Variants in SCFD2 observed in about 807,000 individuals in gnomAD.
SCFD2 encodes sec1 family domain-containing protein 2.
A neutral mutation model predicts 58.9 loss-of-function variants in SCFD2; 54 were observed. The observed-to-expected ratio is 0.92, with a 90% CI of 0.74 to 1.15. The LOEUF (loss-of-function observed/expected upper bound fraction) is 1.15. SCFD2 is among the 50% of genes most tolerant of loss of function. The pLI is 0.00. For missense variants in SCFD2, 805 were observed against 836.6 expected, an observed-to-expected ratio of 0.96 and a Z score of 0.47; for synonymous variants, 321 against 335.9, an observed-to-expected ratio of 0.96 and a Z score of 0.49.
At chr4:52,896,370 T>C (rs1399282496) in intron 7 of SCFD2, among the ~76,000 whole-genome samples, 2 of 152,216 alleles carry the variant, frequency 1.3e-5, no homozygotes, top group Admixed American at 6.5e-5. Context: ...AGTTTCAGCT[T>C]TCTACATATG....
chr4:53,246,757 C>G (rs1730088833), intron 4 of SCFD2, among the ~76,000 whole-genome samples: 1 of 151,964 alleles, frequency 6.6e-6, no homozygotes. Context: ...GGAAGATAAC[C>G]TAGGTAACAT....
At chr4:53,340,964 A>G (rs1733851163) in intron 2 of SCFD2, among the ~76,000 whole-genome samples, 1 of 152,184 alleles carries the variant, frequency 6.6e-6, no homozygotes, top group Admixed American at 6.5e-5. Flanking sequence ...ATTGTACATC[A>G]CCATCATCAA....
intron 5 of SCFD2, among the ~76,000 whole-genome samples, chr4:52,933,788 G>C (rs2109502063): frequency 6.6e-6 from 1 of 152,306 alleles, no homozygotes; most frequent in East Asian, 1.9e-4. Flanking sequence ...TCCCCCAAAA[G>C]TTCATGTGTT....
chr4:53,017,768 C>T (rs1192886104), intron 5 of SCFD2, among the ~76,000 whole-genome samples: 1 of 152,170 alleles, frequency 6.6e-6, no homozygotes, highest in Non-Finnish European at 1.5e-5. Context: ...ACCTCTCCTT[C>T]TCCTCCCACT....
chr4:52,896,210 T>C (rs1032793397), intron 7 of SCFD2, among the ~76,000 whole-genome samples: 35 of 152,218 alleles, frequency 2.3e-4, no homozygotes, highest in African/African-American at 8.4e-4. Context: ...CCATTGCTTT[T>C]GGTGTTTTAG....
chr4:53,167,503 A>G (rs931940009), intron 4 of SCFD2, among the ~76,000 whole-genome samples: 11 of 152,236 alleles, frequency 7.2e-5, no homozygotes, highest in African/African-American at 2.2e-4. Context: ...GATAATAACC[A>G]AAGTACAAAT....
intron 7 of SCFD2, among the ~76,000 whole-genome samples, chr4:52,897,831 C>G (rs7654882): frequency 0.013 from 1,912 of 152,202 alleles, 46 homozygotes; most frequent in African/African-American, 0.044. Flanking sequence ...CTCAATTTCA[C>G]AGCCTGTTAT....
At chr4:53,299,344 A>G (rs1732179418) in intron 3 of SCFD2, among the ~76,000 whole-genome samples, 1 of 152,272 alleles carries the variant, frequency 6.6e-6, no homozygotes, top group South Asian at 2.1e-4. Context: ...AAAGGGTATC[A>G]GTGATGGAAG....
At chr4:52,921,246 T>C (rs1030068454) in intron 5 of SCFD2, among the ~76,000 whole-genome samples, 1 of 152,176 alleles carries the variant, frequency 6.6e-6, no homozygotes, top group Non-Finnish European at 1.5e-5. Flanking sequence ...GAGACTGTTA[T>C]GATCAAACTC....
chr4:53,112,131 G>T lies in SCFD2; in HGVS notation c.1561+33202C>A, dbSNP rs927634270. On this transcript the variant is annotated intron_variant, in intron 5 of 8. Coordinates refer to ENST00000401642, the MANE Select transcript of SCFD2 (RefSeq NM_152540.4). ...GGAATGGAAGAGAGTTTTACAGAAG[G>T]ACTTTGTAGTCCACATATTGAATCA... 3.3e-5 allele frequency among the ~76,000 whole-genome samples: 5 copies of T among 152,170 alleles called. 1 individual carries two copies. Among genetic ancestry groups the T allele is most frequent in the East Asian group, 3.9e-4 (2 of 5,176 alleles).
Position 52,999,117 on chromosome 4 carries a change from G to A in SCFD2, c.1562-78247C>T, listed in dbSNP as rs144868126. Among the ~76,000 whole-genome samples the A allele has an allele frequency of 4.6e-5, 7 of 152,304 alleles. No homozygotes were observed. In the East Asian group the frequency reaches 9.6e-4, roughly 21 times the overall value. On this transcript the variant is annotated intron_variant, in intron 5 of 8. Coordinates refer to ENST00000401642, the MANE Select transcript of SCFD2 (RefSeq NM_152540.4). ...ATTATTACTTTCAAGAACATAAGATGAGCCTTCAAGAGTGTTGGCGAGTAA... is the reference window on the plus strand; with the variant it reads ...ATTATTACTTTCAAGAACATAAGATAAGCCTTCAAGAGTGTTGGCGAGTAA...
At chr4:53,287,819 TATAA>T (rs1174052237) in intron 3 of SCFD2, among the ~76,000 whole-genome samples, 2 of 152,090 alleles carry the variant, frequency 1.3e-5, no homozygotes, top group African/African-American at 4.8e-5. Flanking sequence ...TAAAAGAGAA[TATAA>T]ATAGACAATT....
At chr4:52,989,517 C>T (rs1295843246) in intron 5 of SCFD2, among the ~76,000 whole-genome samples, 1 of 152,034 alleles carries the variant, frequency 6.6e-6, no homozygotes, top group Admixed American at 6.6e-5. Context: ...CCTAGTGTGC[C>T]CATTTTAAAT....
intron 4 of SCFD2, among the ~76,000 whole-genome samples, chr4:53,190,508 C>T (rs149707460): frequency 7.0e-4 from 107 of 152,284 alleles, no homozygotes; most frequent in Non-Finnish European, 1.3e-3. Context: ...TTAGTGAGGC[C>T]TTCTTGACCC....
At chr4:53,000,197 G>A (rs534462772) in intron 5 of SCFD2, among the ~76,000 whole-genome samples, 1 of 152,200 alleles carries the variant, frequency 6.6e-6, no homozygotes, top group Non-Finnish European at 1.5e-5. Context: ...TCTGAGGAGA[G>A]CACAGGTTGA....
At chr4:52,920,680 GA>G in intron 6 of SCFD2, 44 bp downstream of exon 6, 1 of 1,402,740 alleles carries the variant, frequency 7.1e-7, no homozygotes, top group Non-Finnish European at 9.6e-7. Context: ...CTGAATCCTA[GA>G]AGTACAACAG....
At chr4:53,113,809 G>A (rs1249930819) in intron 5 of SCFD2, among the ~76,000 whole-genome samples, 2 of 151,910 alleles carry the variant, frequency 1.3e-5, no homozygotes, top group Admixed American at 6.6e-5. Flanking sequence ...TAAAACAAAG[G>A]TACAGAAAGT....
chr4:53,146,377 T>C (rs1726332080), intron 4 of SCFD2, among the ~76,000 whole-genome samples: 2 of 152,196 alleles, frequency 1.3e-5, no homozygotes, highest in Admixed American at 1.3e-4. Context: ...TTAAATAATA[T>C]GATTTAACTC....
chr4:53,042,892 C>A (rs1399081370), intron 5 of SCFD2, among the ~76,000 whole-genome samples: 1 of 152,008 alleles, frequency 6.6e-6, no homozygotes, highest in Non-Finnish European at 1.5e-5. Flanking sequence ...TGTCTTGGGG[C>A]AAGGTTGGGC....
Sources: allele counts gnomAD v4.1 joint callset (sites outside exome capture counted in the v4.1 genomes callset), GRCh38; gene constraint gnomAD v4.1.1; transcripts MANE v1.5; gene names NCBI Gene and HGNC (gene_info 2026-07-23, HGNC 2026-07-21).